The following TPRG1 variants were observed in gnomAD, a reference collection of about 807,000 sequenced individuals.
The protein encoded by TPRG1 is tumor protein p63-regulated gene 1 protein.
TPRG1 carries 29 observed loss-of-function variants against 29.3 expected under a neutral mutation model. That is an observed-to-expected ratio of 0.99 (90% CI 0.74 to 1.35). TPRG1 has a LOEUF of 1.35. TPRG1 is among the 40% of genes most tolerant of loss of function. The pLI, the probability that TPRG1 is intolerant of heterozygous loss-of-function variation, is 0.00. For synonymous variants in TPRG1, 130 were observed against 116.8 expected (o/e 1.11, Z -0.73); for missense variants, 327 against 335.0 (o/e 0.98, Z 0.19).
intron 4 of TPRG1, among the ~76,000 whole-genome samples, chr3:189,065,936 T>G (rs1716414365): frequency 6.6e-6 from 1 of 152,100 alleles, no homozygotes; most frequent in South Asian, 2.1e-4. Context: ...ATCCTAGAAC[T>G]AATAAATGAA....
At chr3:189,297,197 T>A (rs534655303) in intron 4 of TPRG1, among the ~76,000 whole-genome samples, 2 of 152,122 alleles carry the variant, frequency 1.3e-5, no homozygotes, top group Admixed American at 6.5e-5. Flanking sequence ...GCCAAGCTGG[T>A]CTCGAACTCC....
intron 3 of TPRG1, among the ~76,000 whole-genome samples, chr3:189,232,862 A>T (rs918878468): frequency 6.6e-6 from 1 of 151,912 alleles, no homozygotes; most frequent in African/African-American, 2.4e-5. Context: ...GTCTTCCACG[A>T]CTCCACTTAA....
At chr3:189,062,953 A>C (rs1716210514) in intron 4 of TPRG1, among the ~76,000 whole-genome samples, 2 of 152,100 alleles carry the variant, frequency 1.3e-5, no homozygotes, top group South Asian at 2.1e-4. Flanking sequence ...ATCTGAATAC[A>C]TCAATCAAAG....
intron 5 of TPRG1, among the ~76,000 whole-genome samples, chr3:189,160,378 C>T (rs1021224487): frequency 1.5e-4 from 23 of 152,150 alleles, no homozygotes; most frequent in African/African-American, 5.3e-4. Context: ...AAATTTGGTG[C>T]TCAGTAAATC....
chr3:189,079,858 A>T (rs563856243), intron 4 of TPRG1, among the ~76,000 whole-genome samples: 2 of 152,246 alleles, frequency 1.3e-5, no homozygotes, highest in African/African-American at 2.4e-5. Flanking sequence ...CGAGGCATTC[A>T]TCTGACTCGT....
At chr3:189,178,444 G>C (rs1199864910) in intron 1 of TPRG1, among the ~76,000 whole-genome samples, 1 of 152,156 alleles carries the variant, frequency 6.6e-6, no homozygotes, top group East Asian at 1.9e-4. Flanking sequence ...CACTAGAATT[G>C]CTTGAACCCG....
chr3:189,145,681 A>G (rs1725173994), intron 3 of TPRG1, among the ~76,000 whole-genome samples: 1 of 152,254 alleles, frequency 6.6e-6, no homozygotes, highest in Non-Finnish European at 1.5e-5. Flanking sequence ...TAACATTAAT[A>G]ATAACAGCAA....
intron 4 of TPRG1, among the ~76,000 whole-genome samples, chr3:189,246,494 A>G (rs928468052): frequency 1.3e-5 from 2 of 152,208 alleles, no homozygotes; most frequent in African/African-American, 4.8e-5. Context: ...AGATAATGTT[A>G]TAACTTGTGC....
chr3:189,249,062 C>T (rs1024211157), intron 4 of TPRG1, among the ~76,000 whole-genome samples: 2 of 151,090 alleles, frequency 1.3e-5, no homozygotes, highest in African/African-American at 2.4e-5. Flanking sequence ...ATAAGTGGTA[C>T]GGAGATCTAC....
intron 5 of TPRG1, among the ~76,000 whole-genome samples, chr3:189,314,296 T>C (rs1723145189): frequency 6.6e-6 from 1 of 152,078 alleles, no homozygotes; most frequent in South Asian, 2.1e-4. Context: ...ACTGGTGATA[T>C]AGGTTTGAGA....
chr3:189,159,863 T>TGC, intron 5 of TPRG1, among the ~76,000 whole-genome samples: 1 of 140,738 alleles, frequency 7.1e-6, no homozygotes, highest in Admixed American at 7.1e-5. Flanking sequence ...TGTGTGTGTG[T>TGC]GTGTGGTGGT....
At chr3:189,039,221 A>G (rs1357771616) in intron 4 of TPRG1, among the ~76,000 whole-genome samples, 3 of 152,238 alleles carry the variant, frequency 2.0e-5, no homozygotes, top group Non-Finnish European at 4.4e-5. Flanking sequence ...GAAATGGAGC[A>G]CAGTGAACCC....
chr3:189,171,754 G>T (rs939364045), upstream of TPRG1, among the ~76,000 whole-genome samples: 1 of 152,204 alleles, frequency 6.6e-6, no homozygotes, highest in African/African-American at 2.4e-5. Context: ...ATGATAGGCT[G>T]CTCCTGCTCC....
chr3:189,249,781 T>A (rs1244474746), intron 4 of TPRG1, among the ~76,000 whole-genome samples: 1 of 151,858 alleles, frequency 6.6e-6, no homozygotes, highest in African/African-American at 2.4e-5. Flanking sequence ...AAACAGGGAG[T>A]CTCCCTGATG....
chr3:189,131,879 T>C (rs921646136), intron 2 of TPRG1, among the ~76,000 whole-genome samples: 1 of 152,214 alleles, frequency 6.6e-6, no homozygotes, highest in African/African-American at 2.4e-5. Context: ...TCTTTTTTAT[T>C]TAAAGCCAAC....
intron 4 of TPRG1, among the ~76,000 whole-genome samples, chr3:189,148,186 C>G (rs1285038074): frequency 3.9e-5 from 6 of 152,120 alleles, no homozygotes; most frequent in Non-Finnish European, 7.3e-5. Flanking sequence ...GCAAAAATGT[C>G]CACACACTGC....
intron 4 of TPRG1, among the ~76,000 whole-genome samples, chr3:189,267,309 G>A (rs886092505): frequency 1.3e-5 from 2 of 152,126 alleles, no homozygotes; most frequent in Non-Finnish European, 2.9e-5. Context: ...ATAGCCTAAT[G>A]ACATATTTCT....
At chr3:189,234,399 A>C (rs1200829335) in intron 3 of TPRG1, among the ~76,000 whole-genome samples, 1 of 152,218 alleles carries the variant, frequency 6.6e-6, no homozygotes, top group Non-Finnish European at 1.5e-5. Context: ...CTGAAATTCC[A>C]CCACTTACAA....
At chr3:189,185,189 A>G (rs1429227898) in intron 1 of TPRG1, among the ~76,000 whole-genome samples, 3 of 151,950 alleles carry the variant, frequency 2.0e-5, no homozygotes, top group Non-Finnish European at 4.4e-5. Flanking sequence ...TTACTTGCTT[A>G]TCTGTCACCT....
Sources: allele counts gnomAD v4.1 joint callset (sites outside exome capture counted in the v4.1 genomes callset), GRCh38; gene constraint gnomAD v4.1.1; transcripts MANE v1.5; gene names NCBI Gene and HGNC (gene_info 2026-07-23, HGNC 2026-07-21).